ADCK1: variants seen among roughly 807,000 people sequenced by gnomAD.
The protein encoded by ADCK1 is aarF domain-containing protein kinase 1.
A neutral mutation model predicts 52.3 loss-of-function variants in ADCK1; 41 were observed. That is an observed-to-expected ratio of 0.78 (90% confidence interval 0.61 to 1.02). The LOEUF is 1.02. ADCK1 is among the 50% of genes least tolerant of loss of function. The probability of loss-of-function intolerance (pLI) is 0.00; values close to 1 mark genes in which losing one functional copy is unlikely to be tolerated. For missense variants in ADCK1, 658 were observed against 679.5 expected (o/e 0.97, Z 0.35); for synonymous variants, 250 against 274.6 (o/e 0.91, Z 0.89).
chr14:77,856,986 C>CAA (rs1220400144), intron 3 of ADCK1, among the ~76,000 whole-genome samples: 1 of 148,582 alleles, frequency 6.7e-6, no homozygotes, highest in African/African-American at 2.5e-5. Flanking sequence ...TGGGTGTCTC[C>CAA]AAAAAAAAAA....
At chr14:77,879,713 T>TA (rs757966909) in intron 4 of ADCK1, among the ~76,000 whole-genome samples, 2 of 152,134 alleles carry the variant, frequency 1.3e-5, no homozygotes, top group Non-Finnish European at 2.9e-5. Context: ...TTGGAAGAGA[T>TA]AGGGCAGGCT....
chr14:77,849,612 T>G (rs1051561065), intron 3 of ADCK1, among the ~76,000 whole-genome samples: 3 of 151,872 alleles, frequency 2.0e-5, no homozygotes, highest in African/African-American at 7.3e-5. Context: ...CCTGGCTAAT[T>G]TTTCTTCATT....
intron 4 of ADCK1, among the ~76,000 whole-genome samples, chr14:77,863,247 G>A (rs1253314076): frequency 6.6e-6 from 1 of 152,070 alleles, no homozygotes; most frequent in Non-Finnish European, 1.5e-5. Context: ...GAGTGGGGTG[G>A]GGCATGTGGT....
chr14:77,867,545 A>C (rs1213036609), intron 4 of ADCK1, among the ~76,000 whole-genome samples: 2 of 152,246 alleles, frequency 1.3e-5, no homozygotes, highest in African/African-American at 4.8e-5. Flanking sequence ...CGGCCATAAA[A>C]TTGCAATTTA....
intron 4 of ADCK1, among the ~76,000 whole-genome samples, chr14:77,875,138 G>T (rs1377110354): frequency 6.6e-6 from 1 of 152,146 alleles, no homozygotes; most frequent in East Asian, 1.9e-4. Context: ...GGTCATCCAG[G>T]CAAAATGGGG....
intron 3 of ADCK1, among the ~76,000 whole-genome samples, chr14:77,846,533 A>T (rs1256748203): frequency 6.6e-6 from 1 of 152,096 alleles, no homozygotes; most frequent in Non-Finnish European, 1.5e-5. Flanking sequence ...GTGTCTTGTG[A>T]TGGGCAGGTG....
chr14:77,862,457 C>G (rs1454295425), intron 4 of ADCK1, among the ~76,000 whole-genome samples: 2 of 152,148 alleles, frequency 1.3e-5, no homozygotes, highest in East Asian at 1.9e-4. Flanking sequence ...GGATCCCTGA[C>G]CAGGTGGATG....
intron 3 of ADCK1, among the ~76,000 whole-genome samples, chr14:77,828,484 A>T (rs1488496071): frequency 6.6e-6 from 1 of 152,110 alleles, no homozygotes. Context: ...ACATTTATTA[A>T]TTGGAATTCT....
chr14:77,859,085 C>T lies in ADCK1; in HGVS notation c.229C>T (p.Arg77Cys), dbSNP rs372576994. Residue 77 changes from arginine to cysteine, a missense_variant, in exon 4 of 11, where the codon CGC (arginine) becomes TGC (cysteine). Physicochemically the swap from Arg to Cys is radical, Grantham distance 180. Transcript: ENST00000238561. ...GCCTGTCTTCCTGCAGGTGCACCTT[C>T]GCTCTGCCAGGCGTCTCTGTGAGCT... is the stretch of plus-strand genomic sequence containing the variant. ...YLQLRSKVHL[R>C]SARRLCELCC... 28 of 1,603,672 alleles carry T rather than the reference C, an allele frequency of 1.7e-5. No homozygotes were observed. The Middle Eastern group carries it at 6.5e-4, about 37-fold the overall frequency.
intron 3 of ADCK1, among the ~76,000 whole-genome samples, chr14:77,850,560 T>C (rs1345369727): frequency 6.6e-6 from 1 of 152,172 alleles, no homozygotes; most frequent in East Asian, 1.9e-4. Flanking sequence ...TCTTTATCCC[T>C]GATAATATTC....
chr14:77,820,335 A>G (rs1235759475), intron 2 of ADCK1, among the ~76,000 whole-genome samples: 2 of 151,488 alleles, frequency 1.3e-5, no homozygotes, highest in African/African-American at 4.9e-5. Context: ...ATTTTTTTAA[A>G]TCTTTATTTT....
chr14:77,869,572 A>G (rs977532316), intron 4 of ADCK1, among the ~76,000 whole-genome samples: 4 of 152,200 alleles, frequency 2.6e-5, no homozygotes, highest in African/African-American at 9.7e-5. Context: ...TGGGGTTAGG[A>G]CTTCCACATA....
At chr14:77,863,497 C>T (rs977709964) in intron 4 of ADCK1, among the ~76,000 whole-genome samples, 8 of 152,062 alleles carry the variant, frequency 5.3e-5, no homozygotes, top group African/African-American at 1.9e-4. Flanking sequence ...TCTATACCTG[C>T]CCCCATGACA....
chr14:77,889,446 G>T (rs185738233), intron 5 of ADCK1, among the ~76,000 whole-genome samples: 2 of 152,300 alleles, frequency 1.3e-5, no homozygotes, highest in Admixed American at 1.3e-4. Context: ...TATAGAGAAG[G>T]GGGACAACTA....
At chr14:77,920,662 A>G (rs1276265765) in intron 7 of ADCK1, among the ~76,000 whole-genome samples, 1 of 152,124 alleles carries the variant, frequency 6.6e-6, no homozygotes, top group Non-Finnish European at 1.5e-5. Flanking sequence ...TAATTTATGT[A>G]TTTAGAGAGA....
chr14:77,836,774 T>TTTC (rs1555349621), intron 3 of ADCK1, among the ~76,000 whole-genome samples: 28 of 19,486 alleles, frequency 1.4e-3, no homozygotes, highest in African/African-American at 3.1e-3. Flanking sequence ...TCTTTCTTTC[T>TTTC]TTTTTTTTTT....
At chr14:77,857,999 T>A (rs551537660) in intron 3 of ADCK1, among the ~76,000 whole-genome samples, 95 of 152,250 alleles carry the variant, frequency 6.2e-4, no homozygotes, top group African/African-American at 2.2e-3. Context: ...TGACTGTGGA[T>A]ATGCAGCCTG....
intron 1 of ADCK1, among the ~76,000 whole-genome samples, chr14:77,804,483 C>G (rs2081176496): frequency 6.6e-6 from 1 of 152,102 alleles, no homozygotes; most frequent in Non-Finnish European, 1.5e-5. Context: ...AGAGTTGTGT[C>G]TGCTTCGCTG....
At chr14:77,815,337 C>G (rs1417236225) in intron 1 of ADCK1, among the ~76,000 whole-genome samples, 1 of 151,248 alleles carries the variant, frequency 6.6e-6, no homozygotes, top group Non-Finnish European at 1.5e-5. Flanking sequence ...TTTTGAGTAG[C>G]TGGGACTTAT....
Sources: allele counts gnomAD v4.1 joint callset (sites outside exome capture counted in the v4.1 genomes callset), GRCh38; gene constraint gnomAD v4.1.1; transcripts MANE v1.5; gene names NCBI Gene and HGNC (gene_info 2026-07-23, HGNC 2026-07-21).